Variants in NOL10 observed in about 807,000 individuals in gnomAD.
NOL10 encodes H_NH0074G24.1.
Under a neutral mutation model 103.5 loss-of-function variants are expected in NOL10, and 58 were observed. The ratio of observed to expected loss-of-function variants is 0.56; its 90% confidence interval spans 0.45 to 0.70. The LOEUF is 0.70. NOL10 is among the 30% of genes least tolerant of loss of function. The probability of loss-of-function intolerance (pLI) is 0.00; values close to 1 mark genes in which losing one functional copy is unlikely to be tolerated. For synonymous variants in NOL10, 287 were observed against 282.5 expected (o/e 1.02, Z -0.16); for missense variants, 763 against 807.3 (o/e 0.95, Z 0.67).
At chr2:10,577,383 G>A (rs1438171080) in intron 20 of NOL10, among the ~76,000 whole-genome samples, 2 of 152,192 alleles carry the variant, frequency 1.3e-5, no homozygotes, top group East Asian at 3.9e-4. Context: ...ATCTCCAACA[G>A]AGCTAACTCC....
At chr2:10,638,652 C>G (rs1377514934) in intron 13 of NOL10, among the ~76,000 whole-genome samples, 1 of 150,774 alleles carries the variant, frequency 6.6e-6, no homozygotes, top group Non-Finnish European at 1.5e-5. Flanking sequence ...CAATGACCCC[C>G]GGCTGATTTT....
chr2:10,605,065 T>G (rs1348419014), intron 14 of NOL10, among the ~76,000 whole-genome samples: 1 of 152,202 alleles, frequency 6.6e-6, no homozygotes, highest in Non-Finnish European at 1.5e-5. Context: ...CCCTATAGGT[T>G]GGGACCAATA....
intron 16 of NOL10, among the ~76,000 whole-genome samples, chr2:10,601,224 T>A (rs11683148): frequency 6.6e-6 from 1 of 151,694 alleles, no homozygotes; most frequent in South Asian, 2.1e-4. Context: ...CCACAACGTC[T>A]GGCTAATTTT....
chr2:10,684,271 C>T (rs56011298), intron 2 of NOL10, among the ~76,000 whole-genome samples: 35,679 of 125,154 alleles, frequency 0.29, 5,237 homozygotes, highest in Non-Finnish European at 0.38. Flanking sequence ...AGTGAAACTC[C>T]ATCTCAAAAA....
At chr2:10,651,410 C>T (rs1203703417) in intron 12 of NOL10, among the ~76,000 whole-genome samples, 1 of 152,034 alleles carries the variant, frequency 6.6e-6, no homozygotes, top group Non-Finnish European at 1.5e-5. Context: ...TTTTTAGTAG[C>T]CACATTTTTA....
intron 19 of NOL10, among the ~76,000 whole-genome samples, chr2:10,578,090 A>C (rs560457621): frequency 6.6e-6 from 1 of 152,346 alleles, no homozygotes; most frequent in South Asian, 2.1e-4. Flanking sequence ...ATTGATCATA[A>C]TGGTCAATGG....
At chr2:10,671,090 G>T (rs1021977255) in intron 6 of NOL10, among the ~76,000 whole-genome samples, 1 of 152,078 alleles carries the variant, frequency 6.6e-6, no homozygotes, top group Non-Finnish European at 1.5e-5. Context: ...AACCACATAT[G>T]ACCTATTAAT....
chr2:10,663,684 C>T (rs551368537), intron 8 of NOL10, among the ~76,000 whole-genome samples: 2 of 151,282 alleles, frequency 1.3e-5, no homozygotes, highest in African/African-American at 2.4e-5. Context: ...GGCGCGGTGG[C>T]CACGCCTGTA....
intron 13 of NOL10, among the ~76,000 whole-genome samples, chr2:10,623,918 G>A (rs541306369): frequency 9.8e-5 from 15 of 152,342 alleles, no homozygotes; most frequent in African/African-American, 3.6e-4. Context: ...AGCATGTGGA[G>A]CAACAGGAAC....
At chr2:10,670,579 A>G (rs1680865026) in intron 6 of NOL10, among the ~76,000 whole-genome samples, 2 of 152,130 alleles carry the variant, frequency 1.3e-5, no homozygotes, top group African/African-American at 4.8e-5. Flanking sequence ...TACTAAAAAT[A>G]CAAAAATTAG....
At chr2:10,581,019 T>C (rs1381805698) in intron 19 of NOL10, among the ~76,000 whole-genome samples, 1 of 152,194 alleles carries the variant, frequency 6.6e-6, no homozygotes, top group Non-Finnish European at 1.5e-5. Context: ...ATAACTACCT[T>C]TGACAAATAT....
chr2:10,667,937 C>CA (rs1680662473), intron 7 of NOL10, among the ~76,000 whole-genome samples: 3 of 152,092 alleles, frequency 2.0e-5, no homozygotes. Context: ...AAAATCCTCT[C>CA]AAAGCAATAC....
intron 19 of NOL10, among the ~76,000 whole-genome samples, chr2:10,580,532 T>C (rs545710797): frequency 1.3e-5 from 2 of 152,150 alleles, no homozygotes; most frequent in Non-Finnish European, 2.9e-5. Context: ...GCTAAGAAAA[T>C]AGATACAGGC....
chr2:10,660,503 A>C (rs1451697061), intron 9 of NOL10, among the ~76,000 whole-genome samples: 1 of 151,924 alleles, frequency 6.6e-6, no homozygotes, highest in African/African-American at 2.4e-5. Flanking sequence ...TTTTTTGTAG[A>C]GATGGGTTTT....
At chr2:10,689,566 C>T (rs941888622) in intron 1 of NOL10, among the ~76,000 whole-genome samples, 20 of 152,256 alleles carry the variant, frequency 1.3e-4, no homozygotes, top group Non-Finnish European at 1.9e-4. Context: ...GCAAAGCTCA[C>T]TGACCCTGAT....
chr2:10,638,793 T>C (rs1330134473), intron 13 of NOL10, among the ~76,000 whole-genome samples: 2 of 25,638 alleles, frequency 7.8e-5, no homozygotes, highest in African/African-American at 3.8e-4. Flanking sequence ...GTGCCTGGCC[T>C]TTTTTTTTTT....
chr2:10,657,275 G>A (rs1679905535), intron 11 of NOL10, among the ~76,000 whole-genome samples: 1 of 151,986 alleles, frequency 6.6e-6, no homozygotes, highest in Non-Finnish European at 1.5e-5. Flanking sequence ...CTGAGATCAT[G>A]GCACTGCACT....
chr2:10,600,140 C>G (rs964285275), intron 17 of NOL10, among the ~76,000 whole-genome samples: 7 of 152,180 alleles, frequency 4.6e-5, no homozygotes, highest in Non-Finnish European at 1.0e-4. Context: ...CATAACCAAG[C>G]TTGGCTATCT....
At position 10,665,835 on chromosome 2, in the gene NOL10, G is replaced by A. The variant is rs114922758; in HGVS notation, c.591+1383C>T. Among the ~76,000 whole-genome samples, 767 of 152,310 alleles carry A rather than the reference G, an allele frequency of 5.0e-3. 8 individuals carry two copies. The highest frequency in any genetic ancestry group is 0.018 in the African/African-American group (730 of 41,570). On this transcript the variant is annotated intron_variant, in intron 8 of 20. Coordinates refer to ENST00000381685, the MANE Select transcript of NOL10 (RefSeq NM_024894.4). ...TTCAACATAGTTTTACATAATATCT[G>A]TCAGATCAAACTTAGTGTCCCATTT... is the stretch of plus-strand genomic sequence containing the variant.
Sources: allele counts gnomAD v4.1 joint callset (sites outside exome capture counted in the v4.1 genomes callset), GRCh38; gene constraint gnomAD v4.1.1; transcripts MANE v1.5; gene names NCBI Gene and HGNC (gene_info 2026-07-23, HGNC 2026-07-21).